CAAP1: variants seen among roughly 807,000 people sequenced by gnomAD.
CAAP1 encodes the protein conserved anti-apoptotic protein.
Under a neutral mutation model 34.0 loss-of-function variants are expected in CAAP1, and 20 were observed. The ratio of observed to expected loss-of-function variants is 0.59; its 90% CI spans 0.41 to 0.86. CAAP1 has a LOEUF of 0.86. CAAP1 is among the 40% of genes least tolerant of loss of function. The probability of loss-of-function intolerance (pLI) is 0.00; values close to 1 mark genes in which losing one functional copy is unlikely to be tolerated. For missense variants in CAAP1, 538 were observed against 450.5 expected (o/e 1.19, Z -1.76); for synonymous variants, 213 against 166.7 (o/e 1.28, Z -2.14).
chr9:26,890,981 T>C (rs1410436132), intron 1 of CAAP1, among the ~76,000 whole-genome samples: 1 of 151,868 alleles, frequency 6.6e-6, no homozygotes, highest in Non-Finnish European at 1.5e-5. Flanking sequence ...TACATGAAAG[T>C]AAAAATACTG....
At chr9:26,886,031 G>A (rs1823730353) in intron 3 of CAAP1, 73 bp downstream of exon 3, 2 of 619,618 alleles carry the variant, frequency 3.2e-6, no homozygotes, top group Non-Finnish European at 5.2e-6. Context: ...GTAGGAGAAA[G>A]AATACCTCAG....
intron 2 of CAAP1, among the ~76,000 whole-genome samples, 163 bp downstream of exon 2, chr9:26,887,150 T>C (rs1823766226): frequency 1.3e-5 from 2 of 152,060 alleles, no homozygotes; most frequent in African/African-American, 4.8e-5. Context: ...AGGCGGAGGT[T>C]GCAGTGAGCC....
At chr9:26,863,572 C>T (rs1425060247) in intron 4 of CAAP1, among the ~76,000 whole-genome samples, 1 of 151,854 alleles carries the variant, frequency 6.6e-6, no homozygotes, top group Non-Finnish European at 1.5e-5. Context: ...ATTTTGTCCA[C>T]TCTCAGGTGG....
At chr9:26,862,277 C>T (rs754889363) in intron 4 of CAAP1, among the ~76,000 whole-genome samples, 2 of 152,084 alleles carry the variant, frequency 1.3e-5, no homozygotes, top group African/African-American at 2.4e-5. Context: ...AAATGTGCTA[C>T]CTCAAACCTT....
At chr9:26,890,729 A>G (rs1823879818) in intron 1 of CAAP1, among the ~76,000 whole-genome samples, 2 of 152,184 alleles carry the variant, frequency 1.3e-5, no homozygotes. Context: ...GTGGATCACG[A>G]GGTCAGGAGA....
rs1315592213 is a variant in CAAP1, at chr9:26,846,255, A to G, written c.740-3608T>C. 2.0e-5 allele frequency among the ~76,000 whole-genome samples: 3 copies of G among 151,860 alleles called. No individual in the cohort carries two copies. In the East Asian group the frequency reaches 5.8e-4, roughly 29 times the overall value. On this transcript the variant is annotated intron_variant, in intron 5 of 5. Coordinates refer to ENST00000333916, the MANE Select transcript of CAAP1 (RefSeq NM_024828.4). ...AAGATGGTGAAACCCCACCTCTACTAAAAATACAAAAATTAGCCGAGCGTG... is the reference window on the plus strand; with the variant it reads ...AAGATGGTGAAACCCCACCTCTACTGAAAATACAAAAATTAGCCGAGCGTG...
chr9:26,855,101 G>C (rs1822837492), intron 5 of CAAP1, among the ~76,000 whole-genome samples: 1 of 152,232 alleles, frequency 6.6e-6, no homozygotes, highest in Admixed American at 6.5e-5. Flanking sequence ...GATGTTATGG[G>C]TGAATGGATG....
In CAAP1 at chr9:26,847,935, G is replaced by A. The variant is rs118121715; in HGVS notation, c.740-5288C>T. Among the ~76,000 whole-genome samples, 350 of 152,094 alleles carry A rather than the reference G, an allele frequency of 2.3e-3. 1 individual carries two copies. The highest frequency in any genetic ancestry group is 4.1e-3 in the Non-Finnish European group (278 of 67,996). On this transcript the variant is annotated intron_variant, in intron 5 of 5. Coordinates refer to ENST00000333916, the MANE Select transcript of CAAP1 (RefSeq NM_024828.4). ...CTTGGTAGGGAGGGGAAGTAGATAC[G>A]TATGTTCAATTTGCTGTCTTTAGAG... is the stretch of plus-strand genomic sequence containing the variant.
chr9:26,865,168 T>C (rs960377759), intron 4 of CAAP1, among the ~76,000 whole-genome samples: 1 of 152,160 alleles, frequency 6.6e-6, no homozygotes, highest in African/African-American at 2.4e-5. Flanking sequence ...ATGATTTTTG[T>C]AATAAATGAA....
rs754613137 is a variant in CAAP1 at position 26,887,372 on chromosome 9, G to A, written c.445C>T (p.Gln149Ter). 4 of 1,611,412 alleles carry A rather than the reference G, an allele frequency of 2.5e-6. No individual in the cohort carries two copies. The highest frequency in any genetic ancestry group is 3.4e-6 in the Non-Finnish European group (4 of 1,178,554). The change falls in exon 2 of 6, where the codon CAG (glutamine) becomes TAG (stop). Residue 149 changes from glutamine (Q) to a stop codon, truncating the protein, a stop_gained. Transcript: ENST00000333916. LOFTEE classifies it high-confidence loss of function. ...TTCTCTCCTATAATACAGAAGCACT[G>A]CTGAAGCATTTCTTTTTTGTCTGAT... is the stretch of plus-strand genomic sequence containing the variant. ...YISDKKEMLQ[Q>*]CFCIIGEKKL...
intron 3 of CAAP1, among the ~76,000 whole-genome samples, 197 bp downstream of exon 3, chr9:26,885,907 C>A (rs898092135): frequency 2.0e-5 from 3 of 152,010 alleles, no homozygotes; most frequent in Non-Finnish European, 2.9e-5. Context: ...CCTGGAAAAA[C>A]AATATATTGT....
chr9:26,890,849 G>C (rs1333187351), intron 1 of CAAP1, among the ~76,000 whole-genome samples: 2 of 152,110 alleles, frequency 1.3e-5, no homozygotes, highest in Non-Finnish European at 2.9e-5. Flanking sequence ...GGAGGCTGAG[G>C]CAGGGGAATG....
chr9:26,858,608 G>C lies in CAAP1; in HGVS notation c.739+2458C>G, dbSNP rs376946587. On this transcript the variant is annotated intron_variant, in intron 5 of 5. Transcript: ENST00000333916. ...GAGGCTAAGGCAGGCAGATCACGAG[G>C]TCAGGAGATCAAGACCATCCTGGTT... Among the ~76,000 whole-genome samples the C allele has an allele frequency of 1.5e-4, 23 of 152,158 alleles. No individual in the cohort carries two copies. In the East Asian group the frequency reaches 4.1e-3, roughly 27 times the overall value.
chr9:26,869,934 C>T lies in CAAP1; in HGVS notation c.666-8795G>A, dbSNP rs1823234051. The T allele has an allele frequency of 7.1e-6, 7 of 984,230 alleles. No individual in the cohort carries two copies. The South Asian group carries it at 3.3e-4, about 46-fold the overall frequency. The allele number at this position is 984,230 out of a possible 1,614,324, so 61.0% of individuals were successfully genotyped here. A position where few individuals can be genotyped will look rare whatever the true frequency, so the allele number is the denominator to read the frequency against. ...GAAAAAAGGAAAAATACCTGCTAAT[C>T]ATCTAACCCAGTGCTTGAGCAGCAG... On this transcript the variant is annotated intron_variant, in intron 4 of 5. Transcript: ENST00000333916.
At chr9:26,858,236 G>C (rs1822918793) in intron 5 of CAAP1, among the ~76,000 whole-genome samples, 1 of 132,160 alleles carries the variant, frequency 7.6e-6, no homozygotes, top group South Asian at 2.8e-4. Context: ...AGAGATATTA[G>C]ATTTTGCAGG....
intron 2 of CAAP1, 56 bp downstream of exon 2, chr9:26,887,257 C>G: frequency 8.7e-7 from 1 of 1,150,040 alleles, no homozygotes; most frequent in Non-Finnish European, 1.2e-6. Context: ...CAAAAAATTG[C>G]TACAAAGAAG....
chr9:26,890,098 G>A (rs968064250), intron 1 of CAAP1, among the ~76,000 whole-genome samples: 1 of 151,578 alleles, frequency 6.6e-6, no homozygotes, highest in South Asian at 2.1e-4. Flanking sequence ...GGTCAGGCGC[G>A]GTGGCTCACG....
chr9:26,855,848 T>C (rs1048499521), intron 5 of CAAP1, among the ~76,000 whole-genome samples: 4 of 152,194 alleles, frequency 2.6e-5, no homozygotes, highest in Non-Finnish European at 5.9e-5. Flanking sequence ...AGTGTCCCAA[T>C]AATGACTGAA....
chr9:26,887,384 C>T lies in CAAP1; in HGVS notation c.433G>A (p.Glu145Lys). The T allele has an allele frequency of 6.2e-7, 1 of 1,612,162 alleles. No homozygotes were observed. The highest frequency in any genetic ancestry group is 8.5e-7 in the Non-Finnish European group (1 of 1,179,112). Residue 145 changes from glutamate to lysine, a missense_variant, in exon 2 of 6, where the codon GAA becomes AAA. Coordinates refer to ENST00000333916, the MANE Select transcript of CAAP1 (RefSeq NM_024828.4). ...PVSFYISDKK[E>K]MLQQCFCIIG... ...ATACAGAAGCACTGCTGAAGCATTT[C>T]TTTTTTGTCTGATATATAGAAACTA... is the stretch of plus-strand genomic sequence containing the variant.
Sources: allele counts gnomAD v4.1 joint callset (sites outside exome capture counted in the v4.1 genomes callset), GRCh38; gene constraint gnomAD v4.1.1; transcripts MANE v1.5; gene names NCBI Gene and HGNC (gene_info 2026-07-23, HGNC 2026-07-21).